Variants in FAF1 observed in about 807,000 individuals in gnomAD.
FAF1 encodes the protein Fas associated factor 1.
In FAF1, 25 loss-of-function variants were observed where a neutral mutation model predicts 92.5. That is an observed-to-expected ratio of 0.27 (90% CI 0.20 to 0.38). FAF1 has a LOEUF of 0.38. FAF1 is among the 10% of genes least tolerant of loss of function. The probability of loss-of-function intolerance (pLI) is 1.00; values close to 1 mark genes in which losing one functional copy is unlikely to be tolerated. For synonymous variants in FAF1, 234 were observed against 273.2 expected (o/e 0.86, Z 1.42); for missense variants, 636 against 793.3 (o/e 0.80, Z 2.38).
intron 6 of FAF1, among the ~76,000 whole-genome samples, chr1:50,737,826 A>G (rs920474892): frequency 2.0e-5 from 3 of 152,166 alleles, no homozygotes; most frequent in Non-Finnish European, 4.4e-5. Flanking sequence ...AAGCTTGACA[A>G]TGTTCAAAAT....
intron 1 of FAF1, among the ~76,000 whole-genome samples, chr1:50,917,383 T>C (rs1398752806): frequency 6.6e-6 from 1 of 152,054 alleles, no homozygotes; most frequent in African/African-American, 2.4e-5. Context: ...GAGCAAGAAC[T>C]TGAAAATACA....
intron 1 of FAF1, among the ~76,000 whole-genome samples, chr1:50,957,659 T>C (rs1488791163): frequency 6.6e-6 from 1 of 152,170 alleles, no homozygotes; most frequent in Non-Finnish European, 1.5e-5. Flanking sequence ...GCCGAAATTT[T>C]CATTTTCATT....
At chr1:50,840,037 T>C (rs943842809) in intron 2 of FAF1, among the ~76,000 whole-genome samples, 1 of 151,846 alleles carries the variant, frequency 6.6e-6, no homozygotes, top group African/African-American at 2.4e-5. Context: ...AACAAGTGAG[T>C]ATCCATTTGG....
At chr1:50,494,784 A>T (rs750168672) in intron 15 of FAF1, among the ~76,000 whole-genome samples, 4 of 152,194 alleles carry the variant, frequency 2.6e-5, no homozygotes, top group Non-Finnish European at 5.9e-5. Context: ...TACATATGAC[A>T]AGCATCTGAA....
At chr1:50,726,714 A>G (rs576653773) in intron 6 of FAF1, among the ~76,000 whole-genome samples, 1 of 152,316 alleles carries the variant, frequency 6.6e-6, no homozygotes, top group African/African-American at 2.4e-5. Context: ...CTGTAGTCCC[A>G]GCTACTCTGG....
chr1:50,916,928 A>C (rs1175393426), intron 1 of FAF1, among the ~76,000 whole-genome samples: 1 of 152,212 alleles, frequency 6.6e-6, no homozygotes, highest in African/African-American at 2.4e-5. Context: ...ACCAAGCTGT[A>C]GTTTTAATTT....
At chr1:50,484,506 T>C (rs1646740699) in intron 17 of FAF1, among the ~76,000 whole-genome samples, 1 of 152,158 alleles carries the variant, frequency 6.6e-6, no homozygotes, top group Non-Finnish European at 1.5e-5. Context: ...ACCTACCTTA[T>C]TGAATTGTAA....
intron 1 of FAF1, among the ~76,000 whole-genome samples, chr1:50,903,611 T>C (rs1307730640): frequency 6.6e-6 from 1 of 151,942 alleles, no homozygotes; most frequent in Non-Finnish European, 1.5e-5. Flanking sequence ...AAAATGGCAA[T>C]AAATAGAGGA....
At chr1:50,815,726 T>C (rs1643964936) in intron 2 of FAF1, among the ~76,000 whole-genome samples, 1 of 152,202 alleles carries the variant, frequency 6.6e-6, no homozygotes, top group Non-Finnish European at 1.5e-5. Flanking sequence ...TTTTTACTTT[T>C]AGTAATAGCC....
intron 9 of FAF1, among the ~76,000 whole-genome samples, chr1:50,591,300 T>C (rs1458158267): frequency 6.6e-6 from 1 of 152,194 alleles, no homozygotes; most frequent in Non-Finnish European, 1.5e-5. Context: ...CTTGTTTCTT[T>C]TAAATCTAGC....
At position 50,575,177 on chromosome 1, in the gene FAF1, G is replaced by A. The variant is rs551752998; in HGVS notation, c.1113+7441C>T. 5.3e-5 allele frequency among the ~76,000 whole-genome samples: 8 copies of A among 152,116 alleles called. No homozygotes were observed. In the South Asian group the frequency reaches 1.7e-3, roughly 32 times the overall value. ...CCCGCCTCGGCCTCCCAAAGTGCTGGGATTACAGGCGTGAGCCACTGCGCC... is the reference window on the plus strand; with the variant it reads ...CCCGCCTCGGCCTCCCAAAGTGCTGAGATTACAGGCGTGAGCCACTGCGCC... On this transcript the variant is annotated intron_variant, in intron 12 of 18. Transcript: ENST00000396153.
At chr1:50,814,764 T>C (rs1330060424) in intron 2 of FAF1, among the ~76,000 whole-genome samples, 1 of 152,168 alleles carries the variant, frequency 6.6e-6, no homozygotes, top group Non-Finnish European at 1.5e-5. Flanking sequence ...TCATTAAAGA[T>C]GCTGAGCTCC....
chr1:50,871,064 TG>T (rs1644523893), intron 1 of FAF1, among the ~76,000 whole-genome samples: 1 of 152,226 alleles, frequency 6.6e-6, no homozygotes. Flanking sequence ...AAAGTTTTAG[TG>T]GTCTGAATAG....
Position 50,630,565 on chromosome 1 carries a change from G to T in FAF1, c.744+24877C>A, listed in dbSNP as rs368463765. 1.8e-4 allele frequency among the ~76,000 whole-genome samples: 28 copies of T among 151,958 alleles called. No individual in the cohort carries two copies. In the East Asian group the frequency reaches 3.1e-3, roughly 17 times the overall value. ...TTCTATAGGTTGCATAATTTTGTTT[G>T]CTTTCTTATTTTGTTTTTAGTAGCA... On this transcript the variant is annotated intron_variant, in intron 8 of 18. Coordinates refer to ENST00000396153, the MANE Select transcript of FAF1 (RefSeq NM_007051.3).
At chr1:50,735,877 C>T (rs1408529723) in intron 6 of FAF1, among the ~76,000 whole-genome samples, 3 of 152,006 alleles carry the variant, frequency 2.0e-5, no homozygotes, top group Admixed American at 6.6e-5. Context: ...CCACAACACC[C>T]GGCTATTTCA....
rs567647161 is a variant in FAF1 at position 50,458,059 on chromosome 1, C to T, written c.1870-16536G>A. On this transcript the variant is annotated intron_variant, in intron 18 of 18. Transcript: ENST00000396153. Reference sequence around the variant, plus strand: ...AGAAACCCCATCTCTACTAAAAATACAAAATTAGCCAGGCATGGTGGTGCA... The same window carrying T: ...AGAAACCCCATCTCTACTAAAAATATAAAATTAGCCAGGCATGGTGGTGCA... Among the ~76,000 whole-genome samples the T allele has an allele frequency of 2.0e-5, 3 of 150,278 alleles. No homozygotes were observed. In the East Asian group the frequency reaches 6.0e-4, roughly 30 times the overall value.
Position 50,583,591 on chromosome 1 carries a change from A to C in FAF1, c.1031+61T>G. ...AAACAATCTATAATTAAAATTGCCC[A>C]AGAAAAATCACAGTAGCATAAAACA... On this transcript the variant is annotated intron_variant, in intron 11 of 18. Transcript: ENST00000396153. This position sits in a 1 kb window ranked among gnomAD's most constrained non-coding sequence, Gnocchi z 4.2. 9.4e-7 allele frequency: 1 copy of C among 1,059,900 alleles called. No homozygotes were observed. Among genetic ancestry groups the C allele is most frequent in the Non-Finnish European group, 1.4e-6 (1 of 740,426 alleles). 65.7% of individuals were successfully genotyped at this position (1,059,900 alleles called of 1,614,324 possible). A position where few individuals can be genotyped will look rare whatever the true frequency, so the allele number is the denominator to read the frequency against.
At chr1:50,899,338 G>GTC (rs948438394) in intron 1 of FAF1, among the ~76,000 whole-genome samples, 1 of 151,870 alleles carries the variant, frequency 6.6e-6, no homozygotes, top group East Asian at 1.9e-4. Context: ...TCATTTCTAG[G>GTC]TCTCTCTCTA....
intron 2 of FAF1, among the ~76,000 whole-genome samples, chr1:50,840,409 G>T (rs1015273542): frequency 6.6e-6 from 1 of 151,480 alleles, no homozygotes; most frequent in Non-Finnish European, 1.5e-5. Flanking sequence ...TCAATAATAA[G>T]AAGAAAATCC....
Sources: gnomAD v4.1 joint callset for allele counts (sites outside exome capture counted in the v4.1 genomes callset) on GRCh38, gnomAD v4.1.1 for gene constraint, Gnocchi (gnomAD v3.1) non-coding constraint, MANE v1.5 for transcripts, NCBI Gene and HGNC (gene_info 2026-07-23, HGNC 2026-07-21) for gene names.